Variants in NBDY observed in about 807,000 individuals in gnomAD.
The protein encoded by NBDY is negative regulator of P-body association, also known as P-body dissociating protein.
rs536397321 is a variant in NBDY, at chrX:56,811,813, A to C, written c.*167-5507A>C. On this transcript the variant is annotated intron_variant, in intron 2 of 2. Transcript: ENST00000374922. ...AGTGCCACTGAGGCATGAAAAAAAA[A>C]CAACTTTTGTGGCTAGCTTGGTGTC... 6.3e-5 allele frequency among the ~76,000 whole-genome samples: 7 copies of C among 111,637 alleles called. No homozygotes were observed. The South Asian group carries it at 1.1e-3, about 18-fold the overall frequency.
intron 2 of NBDY, among the ~76,000 whole-genome samples, chrX:56,740,981 C>G (rs1569284246): frequency 9.0e-6 from 1 of 110,743 alleles, no homozygotes; most frequent in Non-Finnish European, 1.9e-5. Flanking sequence ...CCACTCTCCC[C>G]CACCACCCAT....
chrX:56,732,972 TTA>T (rs201981508), intron 2 of NBDY, among the ~76,000 whole-genome samples: 6,772 of 52,817 alleles, frequency 0.13, 463 homozygotes, highest in African/African-American at 0.31. Flanking sequence ...ATTTTGACTT[TTA>T]TTTTTATATT....
At chrX:56,756,368 C>A (rs1346858611) in intron 2 of NBDY, among the ~76,000 whole-genome samples, 2 of 106,413 alleles carry the variant, frequency 1.9e-5, no homozygotes, top group Admixed American at 1.0e-4. Flanking sequence ...AAATAAAAAA[C>A]AATTAAAAGA....
At chrX:56,788,393 C>T (rs1035431571) in intron 2 of NBDY, among the ~76,000 whole-genome samples, 2 of 112,854 alleles carry the variant, frequency 1.8e-5, no homozygotes, top group Non-Finnish European at 3.8e-5. Flanking sequence ...CTGGGGAAAG[C>T]CCAGGGGCAC....
chrX:56,746,959 A>T (rs2069561054), intron 2 of NBDY, among the ~76,000 whole-genome samples: 1 of 112,027 alleles, frequency 8.9e-6, no homozygotes, highest in Non-Finnish European at 1.9e-5. Context: ...CCCCATCTCA[A>T]GATCCTTAAC....
chrX:56,801,085 AG>A (rs1602667369), intron 2 of NBDY, among the ~76,000 whole-genome samples: 1 of 111,738 alleles, frequency 8.9e-6, no homozygotes, highest in Non-Finnish European at 1.9e-5. Context: ...TAGCTTCTCT[AG>A]GCCTACTTGT....
At chrX:56,781,469 C>T (rs763055073) in intron 2 of NBDY, among the ~76,000 whole-genome samples, 62 of 111,661 alleles carry the variant, frequency 5.6e-4, no homozygotes, top group African/African-American at 1.9e-3. Flanking sequence ...GGGGCTTATG[C>T]TTTCTTCTGG....
chrX:56,743,328 C>T (rs777208410), intron 2 of NBDY, among the ~76,000 whole-genome samples: 1 of 111,112 alleles, frequency 9.0e-6, no homozygotes, highest in Non-Finnish European at 1.9e-5. Context: ...GGAAGTATCC[C>T]TTCCTCCTGT....
At chrX:56,787,111 G>A (rs1176064047) in intron 2 of NBDY, among the ~76,000 whole-genome samples, 2 of 111,120 alleles carry the variant, frequency 1.8e-5, no homozygotes, top group African/African-American at 6.6e-5. Flanking sequence ...ATTTCAGTGT[G>A]TGCAGGCAGG....
chrX:56,791,475 C>T (rs2069762784), intron 2 of NBDY, among the ~76,000 whole-genome samples: 1 of 111,573 alleles, frequency 9.0e-6, no homozygotes, highest in Admixed American at 9.5e-5. Context: ...CAGGGTAGCT[C>T]TTTGCAGTTG....
chrX:56,767,698 T>C lies in NBDY; in HGVS notation c.*166+35499T>C, dbSNP rs1372202717. Among the ~76,000 whole-genome samples the C allele has an allele frequency of 4.4e-5, 5 of 112,545 alleles. No homozygotes were observed. The East Asian group carries it at 1.4e-3, about 32-fold the overall frequency. On this transcript the variant is annotated intron_variant, in intron 2 of 2. Coordinates refer to ENST00000374922, the MANE Select transcript of NBDY (RefSeq NM_001348129.2). ...TCTCCTTAACTTTCTTTTATAATTA[T>C]GTTTTCTCCTTCCTCTTTGCTTTTT...
chrX:56,733,044 G>A (rs928066820), intron 2 of NBDY, among the ~76,000 whole-genome samples: 20 of 109,566 alleles, frequency 1.8e-4, no homozygotes, highest in African/African-American at 6.6e-4. Context: ...TGAATCTTTA[G>A]CATCTTAATT....
At chrX:56,762,766 A>T (rs1351719245) in intron 2 of NBDY, among the ~76,000 whole-genome samples, 1 of 110,990 alleles carries the variant, frequency 9.0e-6, no homozygotes, top group Non-Finnish European at 1.9e-5. Flanking sequence ...GTGCCAGTTT[A>T]CCCACTCTCA....
In NBDY at chrX:56,793,910, C is replaced by T. The variant is rs185290643; in HGVS notation, c.*167-23410C>T. 9.8e-5 allele frequency among the ~76,000 whole-genome samples: 11 copies of T among 112,118 alleles called. No homozygotes were observed. In the East Asian group the frequency reaches 2.6e-3, roughly 26 times the overall value. On this transcript the variant is annotated intron_variant, in intron 2 of 2. Coordinates refer to ENST00000374922, the MANE Select transcript of NBDY (RefSeq NM_001348129.2). ...AGCATCCTGAAGCTCCTTTTCCTCC[C>T]GGGAGGGTAGGGGCTCCCTGTTCCC...
intron 2 of NBDY, among the ~76,000 whole-genome samples, chrX:56,746,342 G>A (rs1383394554): frequency 9.0e-6 from 1 of 110,815 alleles, no homozygotes; most frequent in Admixed American, 9.6e-5. Flanking sequence ...ATATGATCGA[G>A]TTCCTCTCCT....
intron 2 of NBDY, among the ~76,000 whole-genome samples, chrX:56,766,586 C>G (rs1040772545): frequency 8.9e-6 from 1 of 112,246 alleles, no homozygotes; most frequent in Non-Finnish European, 1.9e-5. Context: ...CCCACATTCT[C>G]TTCGACAGGG....
chrX:56,808,784 T>C (rs2069868982), intron 2 of NBDY, among the ~76,000 whole-genome samples: 1 of 112,175 alleles, frequency 8.9e-6, no homozygotes, highest in Admixed American at 9.4e-5. Flanking sequence ...ATCCTAGTTA[T>C]TTCTTGCCTT....
intron 2 of NBDY, among the ~76,000 whole-genome samples, chrX:56,763,010 C>G (rs898766205): frequency 8.9e-6 from 1 of 112,333 alleles, no homozygotes; most frequent in African/African-American, 3.2e-5. Context: ...TACAATTTCT[C>G]CCACACAGGT....
chrX:56,749,039 G>A (rs917436748), intron 2 of NBDY, among the ~76,000 whole-genome samples: 1 of 109,241 alleles, frequency 9.2e-6, no homozygotes, highest in Non-Finnish European at 1.9e-5. Flanking sequence ...AAGTTACTGA[G>A]AAATAAAAGA....
Sources: gnomAD v4.1 joint callset for allele counts (sites outside exome capture counted in the v4.1 genomes callset) on GRCh38, gnomAD v4.1.1 for gene constraint, MANE v1.5 for transcripts, NCBI Gene and HGNC (gene_info 2026-07-23, HGNC 2026-07-21) for gene names.